Variants in ASTN2 observed in about 807,000 individuals in gnomAD.
ASTN2 encodes the protein astrotactin-2.
Under a neutral mutation model 139.8 loss-of-function variants are expected in ASTN2, and 54 were observed. The observed-to-expected ratio is 0.39, with a 90% CI of 0.31 to 0.48. The LOEUF (loss-of-function observed/expected upper bound fraction) is 0.48, where lower values mean the gene tolerates loss of function less well. Among genes scored for constraint, ASTN2 ranks in the 20% least tolerant of loss-of-function variants. The probability of loss-of-function intolerance (pLI) is 0.95; values close to 1 mark genes in which losing one functional copy is unlikely to be tolerated. For missense variants in ASTN2, 1,565 were observed against 1,725.1 expected (o/e 0.91, Z 1.64); for synonymous variants, 756 against 719.5 (o/e 1.05, Z -0.81).
Position 116,820,761 on chromosome 9 carries a change from A to T in ASTN2, c.2063T>A (p.Met688Lys), listed in dbSNP as rs771348581. 2 of 1,613,950 alleles carry T rather than the reference A, an allele frequency of 1.2e-6. No individual in the cohort carries two copies. Among genetic ancestry groups the T allele is most frequent in the African/African-American group, 1.3e-5 (1 of 74,944 alleles). Residue 688 changes from methionine (M) to lysine (K), a missense_variant, in exon 12 of 23, where the codon ATG becomes AAG. Met to Lys is a moderately conservative substitution (Grantham distance 95). Coordinates refer to ENST00000313400, the MANE Select transcript of ASTN2 (RefSeq NM_001365068.1). The stretch of plus-strand genomic sequence containing the variant: ...GTCGTAGCAGCCAGAGCCATCCTTC[A>T]TGGGTTTCAGCTCCTCAGGGCACTG... The part of the protein sequence containing the change: ...GCVCPEELKP[M>K]KDGSGCYDHS...
At chr9:116,779,498 GAT>G (rs201026356) in intron 13 of ASTN2, among the ~76,000 whole-genome samples, 2,165 of 37,214 alleles carry the variant, frequency 0.058, 49 homozygotes, top group African/African-American at 0.089. Flanking sequence ...CCCAGTCTCA[GAT>G]ATTTTTTTTT....
At chr9:116,428,240 A>T (rs1847370850) in intron 22 of ASTN2, among the ~76,000 whole-genome samples, 1 of 152,190 alleles carries the variant, frequency 6.6e-6, no homozygotes, top group Non-Finnish European at 1.5e-5. Context: ...GAAGAGGAAA[A>T]GGTGGCCGGG....
At chr9:116,472,482 C>T (rs1848842564) in intron 20 of ASTN2, among the ~76,000 whole-genome samples, 1 of 152,160 alleles carries the variant, frequency 6.6e-6, no homozygotes, top group African/African-American at 2.4e-5. Flanking sequence ...AAAAGTTTGT[C>T]CCTAACACTG....
intron 5 of ASTN2, among the ~76,000 whole-genome samples, chr9:117,056,409 T>C (rs1839066098): frequency 6.6e-6 from 1 of 152,040 alleles, no homozygotes; most frequent in Non-Finnish European, 1.5e-5. Flanking sequence ...CCCACACACA[T>C]GGTATGTGCC....
chr9:116,856,419 G>A (rs778178502), intron 11 of ASTN2, among the ~76,000 whole-genome samples: 9 of 152,220 alleles, frequency 5.9e-5, no homozygotes, highest in Admixed American at 1.3e-4. Context: ...TGCCTGGGCT[G>A]TGCTCCAAGG....
intron 4 of ASTN2, among the ~76,000 whole-genome samples, chr9:117,121,627 G>T (rs1829560458): frequency 6.6e-6 from 1 of 152,192 alleles, no homozygotes. Context: ...CCTGCCATTT[G>T]TTACCATATG....
chr9:117,343,396 G>T (rs186495873), intron 1 of ASTN2, among the ~76,000 whole-genome samples: 1 of 152,180 alleles, frequency 6.6e-6, no homozygotes, highest in African/African-American at 2.4e-5. Flanking sequence ...AAGCTTTCTC[G>T]GATTCCTACA....
chr9:116,715,904 T>C (rs1273617468), intron 16 of ASTN2, among the ~76,000 whole-genome samples: 2 of 152,146 alleles, frequency 1.3e-5, no homozygotes, highest in African/African-American at 4.8e-5. Context: ...TGAGCAAGGC[T>C]CCTCTCAGGT....
chr9:116,915,410 C>T (rs1834415481), intron 10 of ASTN2, among the ~76,000 whole-genome samples: 1 of 152,032 alleles, frequency 6.6e-6, no homozygotes, highest in Non-Finnish European at 1.5e-5. Context: ...ATAGAGCTCC[C>T]AAAACCCTTG....
chr9:116,645,532 T>C (rs1453630750), intron 17 of ASTN2, among the ~76,000 whole-genome samples: 2 of 152,042 alleles, frequency 1.3e-5, no homozygotes, highest in African/African-American at 4.8e-5. Context: ...GAGAATACCT[T>C]GGTCCAGAAT....
At chr9:117,313,697 A>G (rs1828047270) in intron 1 of ASTN2, among the ~76,000 whole-genome samples, 1 of 152,174 alleles carries the variant, frequency 6.6e-6, no homozygotes, top group African/African-American at 2.4e-5. Context: ...AGCCTCCAGA[A>G]CCAGCCAGTT....
At chr9:116,888,079 A>G (rs1039182935) in intron 10 of ASTN2, among the ~76,000 whole-genome samples, 1 of 152,192 alleles carries the variant, frequency 6.6e-6, no homozygotes, top group Non-Finnish European at 1.5e-5. Context: ...ACTTATATAA[A>G]GTGTCTGACC....
chr9:117,190,883 T>C (rs889332172), intron 3 of ASTN2, among the ~76,000 whole-genome samples: 3 of 152,148 alleles, frequency 2.0e-5, no homozygotes, highest in Non-Finnish European at 4.4e-5. Flanking sequence ...TTGCTTATAG[T>C]CTTTCTGTGC....
intron 1 of ASTN2, among the ~76,000 whole-genome samples, chr9:117,362,007 C>A (rs1471567876): frequency 6.6e-6 from 1 of 152,134 alleles, no homozygotes; most frequent in African/African-American, 2.4e-5. Context: ...GAGTTTCATT[C>A]TTGTCACCCA....
intron 13 of ASTN2, among the ~76,000 whole-genome samples, chr9:116,766,246 A>G (rs1473471480): frequency 6.6e-6 from 1 of 151,960 alleles, no homozygotes; most frequent in Non-Finnish European, 1.5e-5. Flanking sequence ...TACACGCACA[A>G]ATACACACGT....
intron 10 of ASTN2, among the ~76,000 whole-genome samples, chr9:116,894,635 G>C (rs1833839672): frequency 6.6e-6 from 1 of 152,150 alleles, no homozygotes. Context: ...GACTACGGGT[G>C]GGTGCCACCA....
chr9:117,073,760 C>G (rs1182869728), intron 5 of ASTN2, among the ~76,000 whole-genome samples: 1 of 152,124 alleles, frequency 6.6e-6, no homozygotes, highest in Non-Finnish European at 1.5e-5. Flanking sequence ...CCTGGGGGAG[C>G]AGGCGGTGGA....
intron 20 of ASTN2, among the ~76,000 whole-genome samples, chr9:116,442,795 G>A (rs763798266): frequency 2.0e-5 from 3 of 152,228 alleles, no homozygotes; most frequent in African/African-American, 4.8e-5. Flanking sequence ...CTTAGATTGT[G>A]TATCTTTCCA....
intron 19 of ASTN2, chr9:116,583,380 T>C (rs1028803194): frequency 2.4e-4 from 37 of 152,196 alleles, no homozygotes; most frequent in African/African-American, 8.4e-4. Context: ...TGCTTAAAGT[T>C]AATTGCTTAT....
Sources: allele counts gnomAD v4.1 joint callset (sites outside exome capture counted in the v4.1 genomes callset), GRCh38; gene constraint gnomAD v4.1.1; transcripts MANE v1.5; gene names NCBI Gene and HGNC (gene_info 2026-07-23, HGNC 2026-07-21).